NR5A2: variants seen among roughly 807,000 people sequenced by gnomAD.
The protein encoded by NR5A2 is CYP7A promoter-binding factor.
NR5A2 carries 26 observed loss-of-function variants against 62.7 expected under a neutral mutation model. The ratio of observed to expected loss-of-function variants is 0.41; its 90% CI spans 0.30 to 0.58. The LOEUF (loss-of-function observed/expected upper bound fraction) is 0.58. Among genes scored for constraint, NR5A2 ranks in the 20% least tolerant of loss-of-function variants. The pLI, the probability that NR5A2 is intolerant of heterozygous loss-of-function variation, is 0.22. For synonymous variants in NR5A2, 246 were observed against 241.7 expected (o/e 1.02, Z -0.16); for missense variants, 541 against 669.1 (o/e 0.81, Z 2.11).
intron 7 of NR5A2, among the ~76,000 whole-genome samples, chr1:200,133,510 TATATATATATATATATACACACAC>T (rs1571532511): frequency 9.0e-6 from 1 of 111,728 alleles, no homozygotes; most frequent in East Asian, 2.5e-4. Flanking sequence ...ATGGACTATA[TATATATATATATATATACACACAC>T]ATATATATAT....
intron 6 of NR5A2, among the ~76,000 whole-genome samples, chr1:200,118,025 T>C (rs1196366117): frequency 2.8e-5 from 4 of 142,666 alleles, no homozygotes; most frequent in Non-Finnish European, 6.1e-5. Flanking sequence ...TTTTCTTTTT[T>C]TTTTTTTTTT....
rs1654330711 is a variant in NR5A2, at chr1:200,174,443, C to T, written c.*233C>T. The T allele has an allele frequency of 5.9e-6, 2 of 336,508 alleles. No individual in the cohort carries two copies. Among genetic ancestry groups the T allele is most frequent in the Non-Finnish European group, 1.1e-5 (2 of 190,442 alleles). 20.8% of individuals were successfully genotyped at this position (336,508 alleles called of 1,614,324 possible). ...ACTGTGAATCAAAGGCTTCACAGCC[C>T]CAGAGGATTCCATATAAAAGACATT... On this transcript the variant is annotated 3_prime_UTR_variant, in exon 8 of 8. Transcript: ENST00000367362.
intron 4 of NR5A2, among the ~76,000 whole-genome samples, chr1:200,047,584 C>CTTTCTTTT (rs1553265365): frequency 6.7e-6 from 1 of 148,308 alleles, no homozygotes; most frequent in Admixed American, 6.7e-5. Context: ...TATTTCTTTT[C>CTTTCTTTT]TTTTTTTTGA....
At position 200,133,505 on chromosome 1, in the gene NR5A2, C is replaced by CTATATATATA. The variant is rs138519275; in HGVS notation, c.1378+12563_1378+12572dup. Among the ~76,000 whole-genome samples, 93 of 134,380 alleles carry CTATATATATA rather than the reference C, an allele frequency of 6.9e-4. 1 individual carries two copies. The highest frequency in any genetic ancestry group is 2.2e-3 in the African/African-American group (78 of 35,492). 88.2% of individuals were successfully genotyped at this position (134,380 alleles called of 152,430 possible). On this transcript the variant is annotated intron_variant, in intron 7 of 7. Transcript: ENST00000367362. The stretch of plus-strand genomic sequence containing the variant: ...TAATGATGTTTTGGTCACTGATGGA[C>CTATATATATA]TATATATATATATATATATATACAC...
intron 5 of NR5A2, among the ~76,000 whole-genome samples, chr1:200,068,344 T>C (rs530003568): frequency 6.6e-6 from 1 of 152,342 alleles, no homozygotes; most frequent in East Asian, 1.9e-4. Context: ...ATAACCCTGC[T>C]AATAGCAATG....
intron 7 of NR5A2, among the ~76,000 whole-genome samples, chr1:200,131,041 A>G (rs1023348994): frequency 6.6e-6 from 1 of 152,238 alleles, no homozygotes; most frequent in African/African-American, 2.4e-5. Context: ...GCTGATATAT[A>G]TGCACCTGAG....
intron 1 of NR5A2, among the ~76,000 whole-genome samples, chr1:200,030,182 T>A (rs938359894): frequency 3.3e-5 from 5 of 152,166 alleles, no homozygotes; most frequent in Admixed American, 3.3e-4. Flanking sequence ...AGTTGGGCTG[T>A]GTTGAGTGGT....
chr1:200,028,913 G>T, intron 1 of NR5A2: 1 of 253,794 alleles, frequency 3.9e-6, no homozygotes, highest in South Asian at 3.5e-5. Flanking sequence ...TTTTTTATGG[G>T]CCAACTACAC....
intron 7 of NR5A2, among the ~76,000 whole-genome samples, chr1:200,141,155 G>T (rs183185701): frequency 7.2e-5 from 11 of 152,144 alleles, no homozygotes; most frequent in Admixed American, 7.2e-4. Context: ...TGTATGTGTT[G>T]GGGGGTGGGT....
intron 6 of NR5A2, among the ~76,000 whole-genome samples, chr1:200,114,277 T>C (rs1421350423): frequency 7.9e-6 from 1 of 126,726 alleles, no homozygotes; most frequent in Non-Finnish European, 1.7e-5. Flanking sequence ...TATATACATA[T>C]ATATACACAT....
chr1:200,052,774 T>C (rs745553930), intron 5 of NR5A2, among the ~76,000 whole-genome samples: 10 of 152,136 alleles, frequency 6.6e-5, no homozygotes, highest in East Asian at 3.9e-4. Context: ...CCTGAGTAGC[T>C]GGGACTACAG....
intron 2 of NR5A2, among the ~76,000 whole-genome samples, chr1:200,041,228 AGAGCG>A (rs3842539): frequency 0.057 from 8,649 of 152,216 alleles, 771 homozygotes; most frequent in African/African-American, 0.19. Flanking sequence ...ACTTATTTTG[AGAGCG>A]GAGAGAGAAA....
In NR5A2 at chr1:200,038,193, A is replaced by T. The variant is rs557212548; in HGVS notation, c.65-1465A>T. Among the ~76,000 whole-genome samples, 218 of 152,340 alleles carry T rather than the reference A, an allele frequency of 1.4e-3. 1 individual carries two copies. Among genetic ancestry groups the T allele is most frequent in the Middle Eastern group, 3.4e-3 (1 of 294 alleles). The stretch of plus-strand genomic sequence containing the variant: ...CAGATGGTTCTTTAAAACATTTTTT[A>T]AATGCTGGGCCTCGGCCTCAAGTGG... On this transcript the variant is annotated intron_variant, in intron 1 of 7. Transcript: ENST00000367362.
At chr1:200,075,715 G>A (rs1213559355) in intron 5 of NR5A2, among the ~76,000 whole-genome samples, 1 of 152,196 alleles carries the variant, frequency 6.6e-6, no homozygotes, top group Non-Finnish European at 1.5e-5. Context: ...ATCCACTCAT[G>A]CTGGCTTTTC....
intron 7 of NR5A2, among the ~76,000 whole-genome samples, chr1:200,131,932 T>C (rs1241388835): frequency 1.3e-5 from 2 of 152,200 alleles, no homozygotes; most frequent in African/African-American, 2.4e-5. Flanking sequence ...CTCATCAGTA[T>C]TGAAACATTA....
chr1:200,059,735 A>T (rs980426173), intron 5 of NR5A2, among the ~76,000 whole-genome samples: 2 of 152,184 alleles, frequency 1.3e-5, no homozygotes, highest in Admixed American at 6.5e-5. Flanking sequence ...GGTAAAATAG[A>T]TCTTTTTTAT....
chr1:200,123,433 G>A (rs536932231), intron 7 of NR5A2, among the ~76,000 whole-genome samples: 1 of 152,314 alleles, frequency 6.6e-6, no homozygotes, highest in South Asian at 2.1e-4. Flanking sequence ...GGAAGCAGCA[G>A]ATGTGGCTGG....
chr1:200,081,978 A>G (rs922155270), intron 5 of NR5A2, among the ~76,000 whole-genome samples: 6 of 152,016 alleles, frequency 3.9e-5, no homozygotes, highest in African/African-American at 1.4e-4. Context: ...ACAGGGGGTC[A>G]CCGCAGTGTC....
rs112459038 is a variant in NR5A2, at chr1:200,104,943, G to A, written c.1111-6259G>A. Among the ~76,000 whole-genome samples, 618 of 152,206 alleles carry A rather than the reference G, an allele frequency of 4.1e-3. 4 individuals are homozygous for A. The highest frequency in any genetic ancestry group is 7.4e-3 in the Non-Finnish European group (501 of 68,004). ...CTCCCAAAATGCTGGCATTACAGGC[G>A]TGAACCACCATGCCTGGCCTTTTTT... On this transcript the variant is annotated intron_variant, in intron 5 of 7. Coordinates refer to ENST00000367362, the MANE Select transcript of NR5A2 (RefSeq NM_205860.3).
Sources: allele counts gnomAD v4.1 joint callset (sites outside exome capture counted in the v4.1 genomes callset), GRCh38; gene constraint gnomAD v4.1.1; transcripts MANE v1.5; gene names NCBI Gene and HGNC (gene_info 2026-07-23, HGNC 2026-07-21).